DNAI1: variants seen among roughly 807,000 people sequenced by gnomAD.
DNAI1 encodes dynein axonemal intermediate chain 1.
DNAI1 carries 67 observed loss-of-function variants against 92.0 expected under a neutral mutation model. The observed-to-expected ratio is 0.73, with a 90% confidence interval of 0.60 to 0.89. The LOEUF (loss-of-function observed/expected upper bound fraction) is 0.89, where lower values mean the gene tolerates loss of function less well. Among genes scored for constraint, DNAI1 ranks in the 40% least tolerant of loss-of-function variants. DNAI1 has a pLI of 0.00. For synonymous variants in DNAI1, 323 were observed against 319.6 expected, an observed-to-expected ratio of 1.01 and a Z score of -0.11; for missense variants, 839 against 866.6, an observed-to-expected ratio of 0.97 and a Z score of 0.40.
intron 1 of DNAI1, among the ~76,000 whole-genome samples, chr9:34,481,491 T>C (rs1229851926): frequency 2.0e-5 from 3 of 152,196 alleles, no homozygotes; most frequent in African/African-American, 7.2e-5. Context: ...TTGGGAAGGC[T>C]CAACCTCCTT....
chr9:34,500,890 C>A, intron 11 of DNAI1, 51 bp downstream of exon 11: 1 of 1,408,956 alleles, frequency 7.1e-7, no homozygotes, highest in Non-Finnish European at 1.0e-6. Flanking sequence ...CCCTCTACAT[C>A]CCAAACCCCC....
intron 9 of DNAI1, among the ~76,000 whole-genome samples, chr9:34,494,616 A>G (rs1167312876): frequency 6.6e-6 from 1 of 152,212 alleles, no homozygotes; most frequent in Non-Finnish European, 1.5e-5. Context: ...AAACCAGAAG[A>G]AAAGTCCCTG....
At chr9:34,495,180 C>T (rs1183908631) in intron 9 of DNAI1, among the ~76,000 whole-genome samples, 1 of 152,214 alleles carries the variant, frequency 6.6e-6, no homozygotes, top group Non-Finnish European at 1.5e-5. Context: ...AAAGGGCTCA[C>T]AGGCTGCAAG....
chr9:34,459,135 C>T, intron 1 of DNAI1, 82 bp downstream of exon 1: 1 of 1,335,966 alleles, frequency 7.5e-7, no homozygotes, highest in Non-Finnish European at 1.1e-6. Context: ...TCCTACTGAT[C>T]CTTGATCTTT....
chr9:34,492,519 T>TCTATATATATATATAGATATAG (rs1564033932), intron 8 of DNAI1, among the ~76,000 whole-genome samples: 1 of 120,174 alleles, frequency 8.3e-6, no homozygotes, highest in African/African-American at 3.2e-5. Flanking sequence ...TATATATATA[T>TCTATATATATATATAGATATAG]ATATATATAT....
intron 9 of DNAI1, among the ~76,000 whole-genome samples, chr9:34,495,848 A>C (rs921151751): frequency 6.6e-6 from 1 of 152,168 alleles, no homozygotes; most frequent in Non-Finnish European, 1.5e-5. Flanking sequence ...TGGGTCAGAG[A>C]ATAGAGAGCG....
intron 1 of DNAI1, among the ~76,000 whole-genome samples, chr9:34,475,956 G>T (rs1824228636): frequency 6.6e-6 from 1 of 152,108 alleles, no homozygotes. Flanking sequence ...AACCAAAACA[G>T]GTCTAAATGC....
chr9:34,517,261 G>A lies in DNAI1; in HGVS notation c.1819-24G>A, dbSNP rs375026685. The A allele has an allele frequency of 8.1e-5, 131 of 1,610,868 alleles. 1 individual carries two copies. The African/African-American group carries it at 1.4e-3, about 18-fold the overall frequency. The stretch of plus-strand genomic sequence containing the variant: ...AAGACAGGCCTCATTACCCCTGAGT[G>A]TGCTGACACCGACCTCTCCACAGGC... On this transcript the variant is annotated intron_variant, in intron 18 of 19. Transcript: ENST00000242317.
rs1823878527 is a variant in DNAI1, at chr9:34,458,913, A to G, written c.-93A>G. On this transcript the variant is annotated 5_prime_UTR_variant, in exon 1 of 20. Coordinates refer to ENST00000242317, the MANE Select transcript of DNAI1 (RefSeq NM_012144.4). The surrounding 1 kb of genome is among the most constrained non-coding windows in gnomAD (Gnocchi z 6.6). ...CGTTGCGACTGGTAACTGAAGTGGA[A>G]GAGAGTCCAGATTTCTTGTGTGTGG... is the stretch of plus-strand genomic sequence containing the variant. 1 of 1,131,446 alleles carries G rather than the reference A, an allele frequency of 8.8e-7. No homozygotes were observed. The highest frequency in any genetic ancestry group is 1.5e-5 in the African/African-American group (1 of 65,744). 70.1% of individuals were successfully genotyped at this position (1,131,446 alleles called of 1,614,324 possible). A position where few individuals can be genotyped will look rare whatever the true frequency, so the allele number is the denominator to read the frequency against.
At chr9:34,494,992 G>A (rs2132067046) in intron 9 of DNAI1, among the ~76,000 whole-genome samples, 1 of 152,320 alleles carries the variant, frequency 6.6e-6, no homozygotes, top group South Asian at 2.1e-4. Flanking sequence ...AATGGGGTCT[G>A]ATTATGTGGG....
intron 9 of DNAI1, 71 bp downstream of exon 9, chr9:34,493,399 G>T: frequency 6.2e-7 from 1 of 1,604,880 alleles, no homozygotes; most frequent in East Asian, 2.2e-5. Context: ...GTAGACAGAA[G>T]CCTGGCTGTC....
chr9:34,463,916 G>A (rs138946000), intron 1 of DNAI1, among the ~76,000 whole-genome samples: 156 of 152,264 alleles, frequency 1.0e-3, no homozygotes, highest in African/African-American at 3.7e-3. Context: ...GGTATCCACA[G>A]ATGAAAAGAT....
At chr9:34,508,354 A>G (rs1824983830) in intron 13 of DNAI1, among the ~76,000 whole-genome samples, 1 of 152,102 alleles carries the variant, frequency 6.6e-6, no homozygotes, top group Non-Finnish European at 1.5e-5. Context: ...AGAGGGTGGG[A>G]GGGAGGCAGC....
intron 1 of DNAI1, among the ~76,000 whole-genome samples, chr9:34,475,902 G>A (rs548053213): frequency 2.0e-5 from 3 of 152,154 alleles, no homozygotes; most frequent in East Asian, 1.9e-4. Context: ...ACTAAAATAC[G>A]CTCAGGGACA....
intron 8 of DNAI1, among the ~76,000 whole-genome samples, chr9:34,492,493 G>GAGATAGATATATAT (rs1271867592): frequency 4.4e-5 from 3 of 68,268 alleles, no homozygotes; most frequent in Non-Finnish European, 9.2e-5. Flanking sequence ...GGGATATGAA[G>GAGATAGATATATAT]ATATATATAT....
At chr9:34,493,899 G>C (rs1346987469) in intron 9 of DNAI1, among the ~76,000 whole-genome samples, 1 of 152,116 alleles carries the variant, frequency 6.6e-6, no homozygotes, top group African/African-American at 2.4e-5. Flanking sequence ...CATGGTTGAG[G>C]GGGGCTCACT....
intron 8 of DNAI1, 46 bp downstream of exon 8, chr9:34,491,600 G>T: frequency 6.2e-7 from 1 of 1,606,120 alleles, no homozygotes; most frequent in African/African-American, 1.3e-5. Flanking sequence ...CCACCTCTAT[G>T]TATCCTTTCC....
chr9:34,513,289 T>C, intron 16 of DNAI1, 98 bp downstream of exon 16: 1 of 956,460 alleles, frequency 1.0e-6, no homozygotes, highest in Admixed American at 1.7e-5. Flanking sequence ...TGGATTTTAG[T>C]TCCCGTCAGT....
chr9:34,474,497 AAAATG>A (rs1824202553), intron 1 of DNAI1, among the ~76,000 whole-genome samples: 2 of 151,692 alleles, frequency 1.3e-5, no homozygotes, highest in African/African-American at 4.8e-5. Flanking sequence ...TTGGCCTCCC[AAAATG>A]CTGGGAGTAC....
Sources: gnomAD v4.1 joint callset for allele counts (sites outside exome capture counted in the v4.1 genomes callset) on GRCh38, gnomAD v4.1.1 for gene constraint, Gnocchi (gnomAD v3.1) non-coding constraint, MANE v1.5 for transcripts, NCBI Gene and HGNC (gene_info 2026-07-23, HGNC 2026-07-21) for gene names.